Variants in GPC6 observed in about 807,000 individuals in gnomAD.
GPC6 encodes the protein glypican-6.
A neutral mutation model predicts 55.2 loss-of-function variants in GPC6; 14 were observed. The observed-to-expected ratio is 0.25, with a 90% CI of 0.17 to 0.40. GPC6 has a LOEUF of 0.40. Ranked by LOEUF, GPC6 falls within the 10% of genes least tolerant of loss-of-function variation. The pLI is 1.00. For missense variants in GPC6, 641 were observed against 708.5 expected, an observed-to-expected ratio of 0.90 and a Z score of 1.08; for synonymous variants, 278 against 259.6, an observed-to-expected ratio of 1.07 and a Z score of -0.68.
chr13:94,078,317 G>C (rs572327529), intron 4 of GPC6, among the ~76,000 whole-genome samples: 10 of 151,626 alleles, frequency 6.6e-5, no homozygotes, highest in Non-Finnish European at 1.3e-4. Flanking sequence ...AAAGGAGAAT[G>C]ATCTCAAAAA....
intron 1 of GPC6, 100 bp from the exon 2 acceptor site, chr13:93,545,163 A>G: frequency 1.0e-6 from 1 of 990,508 alleles, no homozygotes; most frequent in South Asian, 1.3e-5. Context: ...TAGATGGAAC[A>G]AGCACCCTGA....
At chr13:94,122,525 A>G (rs1490946836) in intron 4 of GPC6, among the ~76,000 whole-genome samples, 1 of 152,106 alleles carries the variant, frequency 6.6e-6, no homozygotes, top group Non-Finnish European at 1.5e-5. Context: ...CCTGTTGGCC[A>G]ACTTTCCTAT....
intron 1 of GPC6, among the ~76,000 whole-genome samples, chr13:93,544,709 T>C (rs995085808): frequency 2.0e-5 from 3 of 152,202 alleles, no homozygotes; most frequent in African/African-American, 7.2e-5. Flanking sequence ...ACTTCCTTCT[T>C]TCTGGAGAAT....
At chr13:93,817,194 A>G (rs1350836528) in intron 2 of GPC6, among the ~76,000 whole-genome samples, 1 of 152,202 alleles carries the variant, frequency 6.6e-6, no homozygotes, top group Admixed American at 6.5e-5. Context: ...GTTGATGATA[A>G]TAATAACTAC....
At chr13:93,782,176 G>T (rs572554656) in intron 2 of GPC6, among the ~76,000 whole-genome samples, 1 of 152,194 alleles carries the variant, frequency 6.6e-6, no homozygotes, top group South Asian at 2.1e-4. Context: ...GTGAGATCAC[G>T]TGATTTTTAT....
At chr13:93,439,414 AT>A (rs1023811680) in intron 1 of GPC6, among the ~76,000 whole-genome samples, 4 of 152,072 alleles carry the variant, frequency 2.6e-5, no homozygotes, top group African/African-American at 9.7e-5. Flanking sequence ...AGATTTGATG[AT>A]TTTATAAAGG....
chr13:94,211,420 A>G (rs900313564), intron 4 of GPC6, among the ~76,000 whole-genome samples: 14 of 152,228 alleles, frequency 9.2e-5, no homozygotes, highest in African/African-American at 3.1e-4. Context: ...ACGTAAAGAA[A>G]AATGCATTTA....
At chr13:93,923,073 A>G (rs1342363546) in intron 3 of GPC6, among the ~76,000 whole-genome samples, 2 of 152,196 alleles carry the variant, frequency 1.3e-5, no homozygotes, top group African/African-American at 2.4e-5. Flanking sequence ...AAAAGACATC[A>G]TGCTAAAAGA....
At chr13:93,350,454 T>C (rs767509408) in intron 1 of GPC6, among the ~76,000 whole-genome samples, 2 of 152,056 alleles carry the variant, frequency 1.3e-5, no homozygotes, top group African/African-American at 4.8e-5. Context: ...ATAAAATAAA[T>C]TCTTAAATGT....
intron 5 of GPC6, among the ~76,000 whole-genome samples, chr13:94,286,782 A>G (rs1049000003): frequency 1.3e-5 from 2 of 152,064 alleles, no homozygotes; most frequent in Non-Finnish European, 2.9e-5. Context: ...TTTGGGGGGA[A>G]TTTTCTTTTT....
At chr13:93,653,167 C>T (rs1382791428) in intron 2 of GPC6, among the ~76,000 whole-genome samples, 1 of 152,112 alleles carries the variant, frequency 6.6e-6, no homozygotes, top group Non-Finnish European at 1.5e-5. Flanking sequence ...GTTTGCGCAC[C>T]TCAGTTTCTC....
At chr13:94,208,230 ATTTTTACAAAGTGTGTT>A (rs1889962753) in intron 4 of GPC6, among the ~76,000 whole-genome samples, 2 of 152,196 alleles carry the variant, frequency 1.3e-5, no homozygotes, top group South Asian at 4.1e-4. Flanking sequence ...TCTAACAAAC[ATTTTTACAAAGTGTGTT>A]TTTGGGTAAA....
At chr13:93,927,687 GAAAAA>G (rs10592821) in intron 3 of GPC6, among the ~76,000 whole-genome samples, 1 of 135,420 alleles carries the variant, frequency 7.4e-6, no homozygotes, top group Admixed American at 7.7e-5. Flanking sequence ...CCTTCTTTGT[GAAAAA>G]AAAAAAAAAA....
At chr13:93,223,621 T>C (rs1429876031), upstream of GPC6, among the ~76,000 whole-genome samples, 1 of 152,008 alleles carries the variant, frequency 6.6e-6, no homozygotes, top group African/African-American at 2.4e-5. Context: ...TTTTTGTATT[T>C]TTAGTAGAGA....
intron 3 of GPC6, among the ~76,000 whole-genome samples, chr13:93,848,285 A>C (rs992650306): frequency 5.3e-5 from 8 of 152,118 alleles, no homozygotes; most frequent in Admixed American, 5.2e-4. Context: ...AGAAACCCTC[A>C]AACTATTGAA....
At chr13:93,576,763 T>C (rs548977143) in intron 2 of GPC6, among the ~76,000 whole-genome samples, 1 of 152,260 alleles carries the variant, frequency 6.6e-6, no homozygotes, top group African/African-American at 2.4e-5. Flanking sequence ...CAAATTCTGA[T>C]GAATATAATT....
At chr13:94,319,214 A>G (rs554702168) in intron 6 of GPC6, among the ~76,000 whole-genome samples, 1 of 151,636 alleles carries the variant, frequency 6.6e-6, no homozygotes, top group African/African-American at 2.4e-5. Flanking sequence ...TAGTGTTTGG[A>G]ACCTAATACT....
At chr13:93,685,365 C>T (rs573994011) in intron 2 of GPC6, among the ~76,000 whole-genome samples, 4 of 152,198 alleles carry the variant, frequency 2.6e-5, no homozygotes, top group South Asian at 2.1e-4. Flanking sequence ...GCCTTATATC[C>T]GGGGCCATGC....
chr13:93,764,986 A>G (rs1885068815), intron 2 of GPC6, among the ~76,000 whole-genome samples: 1 of 151,942 alleles, frequency 6.6e-6, no homozygotes, highest in South Asian at 2.1e-4. Context: ...TTTTTAGTAG[A>G]GACAGGGTTT....
Sources: allele counts gnomAD v4.1 joint callset (sites outside exome capture counted in the v4.1 genomes callset), GRCh38; gene constraint gnomAD v4.1.1; transcripts MANE v1.5; gene names NCBI Gene and HGNC (gene_info 2026-07-23, HGNC 2026-07-21).